Variants in NCAM1 observed in about 807,000 individuals in gnomAD.
The protein encoded by NCAM1 is antigen recognized by monoclonal antibody 5.1H11.
In NCAM1, 14 loss-of-function variants were observed where a neutral mutation model predicts 109.8. The observed-to-expected ratio is 0.13, with a 90% CI of 0.08 to 0.20. The LOEUF is 0.20. Ranked by LOEUF, NCAM1 falls within the 10% of genes least tolerant of loss-of-function variation. The probability of loss-of-function intolerance (pLI) is 1.00; values close to 1 mark genes in which losing one functional copy is unlikely to be tolerated. For synonymous variants in NCAM1, 418 were observed against 442.9 expected, an observed-to-expected ratio of 0.94 and a Z score of 0.70; for missense variants, 774 against 1,109.9, an observed-to-expected ratio of 0.70 and a Z score of 4.30.
intron 19 of NCAM1, chr11:113,272,936 G>T: frequency 2.2e-6 from 1 of 456,650 alleles, no homozygotes. Context: ...CCCACAGGCT[G>T]CCTGCCGACA....
chr11:113,246,116 G>T, intron 14 of NCAM1: 1 of 529,470 alleles, frequency 1.9e-6, no homozygotes, highest in Non-Finnish European at 3.3e-6. Flanking sequence ...TTCTATTTCT[G>T]GGCAGTTTCA....
At position 113,000,526 on chromosome 11, in the gene NCAM1, C is replaced by T. The variant is rs182045868; in HGVS notation, c.52+38862C>T. ...AGGTGAGGACAGGAAGTACGGATAA[C>T]GAGATGCAGGCTGTATAATGAGATA... On this transcript the variant is annotated intron_variant, in intron 1 of 19. Coordinates refer to ENST00000316851, the MANE Select transcript of NCAM1 (RefSeq NM_181351.5). 7.2e-5 allele frequency among the ~76,000 whole-genome samples: 11 copies of T among 152,048 alleles called. No homozygotes were observed. In the East Asian group the frequency reaches 1.7e-3, roughly 24 times the overall value.
chr11:113,022,772 G>A (rs11214463), intron 1 of NCAM1, among the ~76,000 whole-genome samples: 20,686 of 152,092 alleles, frequency 0.14, 1,769 homozygotes, highest in South Asian at 0.4. Flanking sequence ...CCATGTGATC[G>A]GGGAACCAGG....
intron 1 of NCAM1, among the ~76,000 whole-genome samples, chr11:113,026,708 G>A (rs1051616220): frequency 2.0e-5 from 3 of 152,148 alleles, no homozygotes; most frequent in Non-Finnish European, 4.4e-5. Context: ...TTATCATCTT[G>A]GAGTCTGTGT....
intron 1 of NCAM1, among the ~76,000 whole-genome samples, chr11:113,070,792 A>C (rs1434320378): frequency 6.6e-6 from 1 of 152,166 alleles, no homozygotes; most frequent in Admixed American, 6.5e-5. Flanking sequence ...TTGCTGATAG[A>C]CAGGGGAGAA....
intron 9 of NCAM1, among the ~76,000 whole-genome samples, chr11:113,223,070 T>C (rs1403667388): frequency 6.6e-6 from 1 of 152,196 alleles, no homozygotes; most frequent in African/African-American, 2.4e-5. Context: ...AGAATAATTA[T>C]CATTAACCTT....
chr11:113,204,730 A>G (rs926468104), intron 3 of NCAM1, among the ~76,000 whole-genome samples: 32 of 152,192 alleles, frequency 2.1e-4, no homozygotes, highest in South Asian at 2.1e-4. Context: ...AATTCAAATT[A>G]CATAGTTCCC....
At chr11:113,235,299 C>T (rs1407843915) in intron 14 of NCAM1, 135 bp downstream of exon 14, 2 of 1,551,278 alleles carry the variant, frequency 1.3e-6, no homozygotes, top group Non-Finnish European at 1.8e-6. Flanking sequence ...TCCTGGAGGC[C>T]CCACCTCCTA....
chr11:113,184,198 A>G (rs376393349), intron 1 of NCAM1, among the ~76,000 whole-genome samples: 3 of 152,356 alleles, frequency 2.0e-5, no homozygotes, highest in African/African-American at 7.2e-5. Context: ...TAAAAAGAGC[A>G]TCTGTCCTTG....
chr11:113,165,988 T>A (rs1254301199), intron 1 of NCAM1, among the ~76,000 whole-genome samples: 1 of 140,318 alleles, frequency 7.1e-6, no homozygotes, highest in African/African-American at 3.0e-5. Context: ...CCCGGCTAAT[T>A]TTTTTTTTAT....
At chr11:113,176,732 T>C (rs782761035) in intron 1 of NCAM1, among the ~76,000 whole-genome samples, 4 of 152,254 alleles carry the variant, frequency 2.6e-5, no homozygotes, top group Admixed American at 1.3e-4. Context: ...TCTGTGTGTT[T>C]AATTTATGTG....
chr11:113,218,300 C>T (rs115618373), intron 8 of NCAM1, among the ~76,000 whole-genome samples: 2 of 152,194 alleles, frequency 1.3e-5, no homozygotes, highest in East Asian at 1.9e-4. Flanking sequence ...TTCCTTCTGG[C>T]TCGGTGGCTC....
chr11:113,258,043 G>C (rs1442831524), intron 16 of NCAM1, among the ~76,000 whole-genome samples: 1 of 152,340 alleles, frequency 6.6e-6, no homozygotes, highest in African/African-American at 2.4e-5. Context: ...TTTGCTGTAA[G>C]ATAACTCCTC....
chr11:113,056,679 A>C (rs1399367547), intron 1 of NCAM1, among the ~76,000 whole-genome samples: 7 of 152,180 alleles, frequency 4.6e-5, no homozygotes, highest in African/African-American at 1.7e-4. Flanking sequence ...CAAGCACATG[A>C]GCTTGAAAGC....
chr11:113,099,350 C>G (rs926974880), intron 1 of NCAM1, among the ~76,000 whole-genome samples: 8 of 152,138 alleles, frequency 5.3e-5, no homozygotes, highest in Non-Finnish European at 1.0e-4. Context: ...GTGATATATT[C>G]ATTGTCTGCT....
At chr11:113,123,556 T>C (rs1941054975) in intron 1 of NCAM1, among the ~76,000 whole-genome samples, 2 of 152,206 alleles carry the variant, frequency 1.3e-5, no homozygotes, top group South Asian at 4.1e-4. Context: ...TGACCATGGC[T>C]GCCATCCTCT....
chr11:113,095,295 G>A (rs1939541896), intron 1 of NCAM1, among the ~76,000 whole-genome samples: 1 of 147,600 alleles, frequency 6.8e-6, no homozygotes, highest in Non-Finnish European at 1.5e-5. Context: ...ATATAGCACT[G>A]ACCTTGCTGT....
chr11:113,207,342 C>T lies in NCAM1; in HGVS notation c.710C>T (p.Ala237Val). 6.2e-7 allele frequency: 1 copy of T among 1,614,040 alleles called. No homozygotes were observed. Among genetic ancestry groups the T allele is most frequent in the Non-Finnish European group, 8.5e-7 (1 of 1,179,898 alleles). The change falls in exon 6 of 20, where the codon GCC becomes GTC. Residue 237 changes from alanine (A) to valine (V), a missense_variant. By Grantham distance (64) the Ala-to-Val change is moderately conservative (BLOSUM62 0). Transcript: ENST00000316851. ...LGQSVTLVCD[A>V]EGFPEPTMSW... is the part of the protein sequence containing the mutation. ...CAGTCCGTCACCCTGGTGTGCGATG[C>T]CGAAGGCTTCCCAGAGCCCACCATG...
intron 1 of NCAM1, among the ~76,000 whole-genome samples, chr11:113,071,380 C>G (rs917887212): frequency 6.6e-6 from 1 of 151,006 alleles, no homozygotes; most frequent in Non-Finnish European, 1.5e-5. Context: ...CTTGAGCAAC[C>G]TTTCCAATTT....
Sources: gnomAD v4.1 joint callset for allele counts (sites outside exome capture counted in the v4.1 genomes callset) on GRCh38, gnomAD v4.1.1 for gene constraint, MANE v1.5 for transcripts, NCBI Gene and HGNC (gene_info 2026-07-23, HGNC 2026-07-21) for gene names.